The following CNTNAP2 variants were observed in gnomAD, a reference collection of about 807,000 sequenced individuals.
CNTNAP2 encodes the protein contactin associated protein 2.
A neutral mutation model predicts 155.2 loss-of-function variants in CNTNAP2; 98 were observed. That is an observed-to-expected ratio of 0.63 (90% CI 0.54 to 0.75). The LOEUF is 0.75. Among genes scored for constraint, CNTNAP2 ranks in the 30% least tolerant of loss-of-function variants. The pLI, the probability that CNTNAP2 is intolerant of heterozygous loss-of-function variation, is 0.00. For synonymous variants in CNTNAP2, 651 were observed against 631.2 expected (o/e 1.03, Z -0.47); for missense variants, 1,727 against 1,688.1 (o/e 1.02, Z -0.40).
chr7:147,979,086 G>A (rs1018265139), intron 15 of CNTNAP2, among the ~76,000 whole-genome samples: 1 of 152,178 alleles, frequency 6.6e-6, no homozygotes, highest in African/African-American at 2.4e-5. Flanking sequence ...ACGTAATGAT[G>A]CATGCTTAAC....
intron 13 of CNTNAP2, among the ~76,000 whole-genome samples, chr7:147,738,668 T>C (rs1457335572): frequency 1.3e-5 from 2 of 151,618 alleles, no homozygotes; most frequent in Non-Finnish European, 2.9e-5. Context: ...TTTTATTTTT[T>C]TTTTTAGGTG....
intron 14 of CNTNAP2, among the ~76,000 whole-genome samples, chr7:147,971,779 C>T (rs1056141920): frequency 6.6e-6 from 1 of 152,204 alleles, no homozygotes; most frequent in Admixed American, 6.5e-5. Flanking sequence ...TTTGTGTGAA[C>T]ATATGCTTTC....
chr7:147,791,064 C>G (rs1797811156), intron 13 of CNTNAP2, among the ~76,000 whole-genome samples: 1 of 152,192 alleles, frequency 6.6e-6, no homozygotes, highest in Non-Finnish European at 1.5e-5. Flanking sequence ...AAAATGTCAT[C>G]TGTTATTTCT....
intron 13 of CNTNAP2, among the ~76,000 whole-genome samples, chr7:147,774,995 T>A (rs777725851): frequency 7.8e-4 from 119 of 151,776 alleles, no homozygotes; most frequent in Non-Finnish European, 1.5e-3. Context: ...TGCTGACTCT[T>A]ATACCACTCT....
At chr7:148,329,782 C>T (rs1208826724) in intron 21 of CNTNAP2, among the ~76,000 whole-genome samples, 2 of 152,196 alleles carry the variant, frequency 1.3e-5, no homozygotes, top group African/African-American at 4.8e-5. Context: ...CGTTCTTTAT[C>T]CAGCCTTATG....
At chr7:146,119,801 A>T (rs759249231) in intron 1 of CNTNAP2, among the ~76,000 whole-genome samples, 13 of 152,080 alleles carry the variant, frequency 8.5e-5, no homozygotes, top group Non-Finnish European at 1.0e-4. Flanking sequence ...CATTTGGGAA[A>T]TGTGTTTTGA....
intron 2 of CNTNAP2, among the ~76,000 whole-genome samples, chr7:146,797,605 A>T (rs1416067848): frequency 1.3e-5 from 2 of 152,216 alleles, no homozygotes; most frequent in African/African-American, 4.8e-5. Flanking sequence ...TAGAAGAAAA[A>T]GAAAGCAGAT....
intron 9 of CNTNAP2, among the ~76,000 whole-genome samples, chr7:147,388,501 T>C (rs747606486): frequency 1.8e-4 from 28 of 152,230 alleles, no homozygotes; most frequent in Middle Eastern, 3.2e-3. Context: ...TTTCTGTATC[T>C]ATCTACATAT....
rs180808982 is a variant in CNTNAP2, at chr7:146,622,530, T to A, written c.98-151741T>A. Among the ~76,000 whole-genome samples, 32 of 152,260 alleles carry A rather than the reference T, an allele frequency of 2.1e-4. No individual in the cohort carries two copies. In the East Asian group the frequency reaches 2.3e-3, roughly 11 times the overall value. On this transcript the variant is annotated intron_variant, in intron 1 of 23. Coordinates refer to ENST00000361727, the MANE Select transcript of CNTNAP2 (RefSeq NM_014141.6). ...TCATATCTGTTTGTATGTATATTCATCTGTATGTATATTTAACTTAATGTG... is the reference window on the plus strand; with the variant it reads ...TCATATCTGTTTGTATGTATATTCAACTGTATGTATATTTAACTTAATGTG...
intron 13 of CNTNAP2, among the ~76,000 whole-genome samples, chr7:147,676,864 A>G (rs1795876519): frequency 6.6e-6 from 1 of 151,962 alleles, no homozygotes; most frequent in Non-Finnish European, 1.5e-5. Flanking sequence ...ATGGCTGAAT[A>G]TAGTATTCCA....
chr7:147,906,623 C>T (rs562339836), intron 14 of CNTNAP2, among the ~76,000 whole-genome samples: 6 of 152,000 alleles, frequency 3.9e-5, no homozygotes, highest in African/African-American at 1.4e-4. Flanking sequence ...CCATGCCCAG[C>T]TAATTTTTGT....
At chr7:147,374,248 C>G (rs1235021305) in intron 9 of CNTNAP2, among the ~76,000 whole-genome samples, 1 of 151,998 alleles carries the variant, frequency 6.6e-6, no homozygotes, top group African/African-American at 2.4e-5. Context: ...AACGTTATAG[C>G]CTTCTTATAA....
intron 1 of CNTNAP2, among the ~76,000 whole-genome samples, chr7:146,175,472 G>A (rs1308222532): frequency 6.6e-6 from 1 of 152,108 alleles, no homozygotes; most frequent in African/African-American, 2.4e-5. Flanking sequence ...GAGTGAAATT[G>A]ACCGTTAATG....
intron 1 of CNTNAP2, among the ~76,000 whole-genome samples, chr7:146,762,832 C>A (rs1802126791): frequency 6.6e-6 from 1 of 152,056 alleles, no homozygotes; most frequent in Non-Finnish European, 1.5e-5. Context: ...CTTTATAAAA[C>A]CTGCAGATTT....
intron 13 of CNTNAP2, among the ~76,000 whole-genome samples, chr7:147,880,903 A>G (rs2087703574): frequency 1.2e-5 from 1 of 83,366 alleles, no homozygotes; most frequent in African/African-American, 6.3e-5. Flanking sequence ...GTTTCCAAGT[A>G]AGATAATCAG....
intron 21 of CNTNAP2, among the ~76,000 whole-genome samples, chr7:148,279,347 C>G (rs73462288): frequency 0.064 from 9,702 of 152,198 alleles, 518 homozygotes; most frequent in African/African-American, 0.14. Flanking sequence ...AATCTTTGGA[C>G]TAGGAACACA....
intron 1 of CNTNAP2, among the ~76,000 whole-genome samples, chr7:146,348,144 G>T (rs1794845534): frequency 1.3e-5 from 2 of 152,118 alleles, no homozygotes; most frequent in Admixed American, 6.5e-5. Context: ...CACAGGCTGG[G>T]CGCAGTGGCT....
chr7:147,186,227 G>A (rs994665819), intron 8 of CNTNAP2, among the ~76,000 whole-genome samples: 2 of 152,080 alleles, frequency 1.3e-5, no homozygotes, highest in African/African-American at 4.8e-5. Flanking sequence ...TTCTCTTGTT[G>A]GGTCATAGAC....
chr7:147,719,726 T>C (rs1178860547), intron 13 of CNTNAP2, among the ~76,000 whole-genome samples: 2 of 152,072 alleles, frequency 1.3e-5, no homozygotes, highest in Non-Finnish European at 2.9e-5. Context: ...AAGAGTAAAA[T>C]ACTTAACCAT....
Sources: allele counts gnomAD v4.1 joint callset (sites outside exome capture counted in the v4.1 genomes callset), GRCh38; gene constraint gnomAD v4.1.1; transcripts MANE v1.5; gene names NCBI Gene and HGNC (gene_info 2026-07-23, HGNC 2026-07-21).